UNC13C: variants seen among roughly 807,000 people sequenced by gnomAD.
UNC13C encodes protein unc-13 homolog C.
A neutral mutation model predicts 245.4 loss-of-function variants in UNC13C; 174 were observed. The ratio of observed to expected loss-of-function variants is 0.71; its 90% CI spans 0.63 to 0.80. The LOEUF is 0.80. Among genes scored for constraint, UNC13C ranks in the 30% least tolerant of loss-of-function variants. The probability of loss-of-function intolerance (pLI) is 0.00; values close to 1 mark genes in which losing one functional copy is unlikely to be tolerated. For missense variants in UNC13C, 2,829 were observed against 2,602.9 expected, an observed-to-expected ratio of 1.09 and a Z score of -1.89; for synonymous variants, 992 against 895.1, an observed-to-expected ratio of 1.11 and a Z score of -1.93.
intron 4 of UNC13C, among the ~76,000 whole-genome samples, chr15:54,181,133 G>A (rs1231313876): frequency 3.3e-5 from 5 of 151,982 alleles, no homozygotes; most frequent in Non-Finnish European, 4.4e-5. Context: ...CTAGTTTGAA[G>A]TCTTGCATTT....
intron 23 of UNC13C, 120 bp from the exon 24 acceptor site, chr15:54,511,633 A>G: frequency 3.0e-6 from 2 of 666,416 alleles, no homozygotes; most frequent in Non-Finnish European, 5.2e-6. Context: ...CAGAATTAGT[A>G]TATACATCTA....
the UNC13C span, among the ~76,000 whole-genome samples, chr15:53,923,932 C>T: frequency 1.3e-5 from 2 of 152,220 alleles, no homozygotes; most frequent in Admixed American, 6.5e-5. Context: ...ACGGGCTGGG[C>T]GCGGTGGCTC....
chr15:54,177,164 A>G (rs536093478), intron 4 of UNC13C, among the ~76,000 whole-genome samples: 1 of 152,272 alleles, frequency 6.6e-6, no homozygotes, highest in East Asian at 1.9e-4. Context: ...TTAGGACTAT[A>G]CCATGCGCAT....
chr15:53,879,934 T>TCCACA, the UNC13C span, among the ~76,000 whole-genome samples: 1 of 150,538 alleles, frequency 6.6e-6, no homozygotes. Flanking sequence ...AAAAAATTTA[T>TCCACA]CATGCTGCGT....
intron 18 of UNC13C, among the ~76,000 whole-genome samples, chr15:54,413,180 G>T (rs921910856): frequency 6.6e-6 from 1 of 151,902 alleles, no homozygotes; most frequent in African/African-American, 2.4e-5. Context: ...GGTATTTTTT[G>T]TTGAAGATTT....
chr15:54,050,677 C>G, intron 2 of UNC13C: 1 of 520,490 alleles, frequency 1.9e-6, no homozygotes, highest in Non-Finnish European at 3.8e-6. Flanking sequence ...TACTCAAACT[C>G]TTTGGAAACC....
chr15:54,511,729 T>C (rs1319407791), intron 23 of UNC13C, 24 bp from the exon 24 acceptor site: 13 of 1,518,062 alleles, frequency 8.6e-6, no homozygotes, highest in Admixed American at 1.9e-5. Context: ...TTGCTCATAA[T>C]AGTCTTTTTT....
intron 31 of UNC13C, among the ~76,000 whole-genome samples, chr15:54,623,360 A>G (rs1596701628): frequency 6.6e-6 from 1 of 152,330 alleles, no homozygotes; most frequent in Middle Eastern, 3.4e-3. Context: ...AAAGCTATTT[A>G]TAAGATTGCA....
chr15:54,126,183 C>CA (rs2031026606), intron 2 of UNC13C, among the ~76,000 whole-genome samples: 3 of 151,938 alleles, frequency 2.0e-5, no homozygotes, highest in African/African-American at 7.3e-5. Context: ...AAAGTTACAG[C>CA]ATAATAAAGT....
intron 30 of UNC13C, among the ~76,000 whole-genome samples, chr15:54,618,019 T>C (rs1436144559): frequency 6.6e-6 from 1 of 152,160 alleles, no homozygotes; most frequent in Non-Finnish European, 1.5e-5. Context: ...ATGTGTTTTC[T>C]ATATCATGTT....
At chr15:53,957,377 C>T in the UNC13C span, among the ~76,000 whole-genome samples, 3 of 152,160 alleles carry the variant, frequency 2.0e-5, no homozygotes, top group Non-Finnish European at 2.9e-5. Context: ...AAGTGATCTG[C>T]CCACCTTGGC....
In UNC13C at chr15:54,464,533, G is replaced by T. The variant is rs934996918; in HGVS notation, c.4934-30075G>T. Among the ~76,000 whole-genome samples, 8 of 152,056 alleles carry T rather than the reference G, an allele frequency of 5.3e-5. No homozygotes were observed. In the East Asian group the frequency reaches 1.4e-3, roughly 26 times the overall value. Reference sequence around the variant, plus strand: ...ATTTAATAGACTTTTTCTTCTAAAGGATGAAAACTCATTGTATATGAGTTA... The same window carrying T: ...ATTTAATAGACTTTTTCTTCTAAAGTATGAAAACTCATTGTATATGAGTTA... On this transcript the variant is annotated intron_variant, in intron 19 of 32. Coordinates refer to ENST00000260323, the MANE Select transcript of UNC13C (RefSeq NM_001080534.3).
intron 19 of UNC13C, among the ~76,000 whole-genome samples, chr15:54,424,711 G>A (rs781172619): frequency 4.0e-5 from 6 of 151,616 alleles, no homozygotes; most frequent in Non-Finnish European, 7.4e-5. Flanking sequence ...AAAAACAATA[G>A]AATTAGGGGC....
intron 19 of UNC13C, among the ~76,000 whole-genome samples, chr15:54,487,766 C>CAA (rs5812760): frequency 0.011 from 650 of 61,728 alleles, 1 homozygote; most frequent in African/African-American, 0.019. Context: ...GATTCCATCT[C>CAA]AAAAAAAAAA....
At chr15:54,094,717 A>C (rs1899758527) in intron 2 of UNC13C, among the ~76,000 whole-genome samples, 1 of 152,158 alleles carries the variant, frequency 6.6e-6, no homozygotes, top group South Asian at 2.1e-4. Flanking sequence ...ACTCCTATAA[A>C]ATAAACAAAA....
intron 30 of UNC13C, among the ~76,000 whole-genome samples, chr15:54,609,844 C>G (rs370235390): frequency 1.3e-5 from 2 of 152,262 alleles, no homozygotes; most frequent in South Asian, 4.1e-4. Context: ...AGGAAACTTA[C>G]AATCATGGCA....
At chr15:54,068,848 C>T (rs964740351) in intron 2 of UNC13C, among the ~76,000 whole-genome samples, 2 of 152,106 alleles carry the variant, frequency 1.3e-5, no homozygotes, top group African/African-American at 4.8e-5. Context: ...GGGCAAACTA[C>T]AGGATTAGTG....
intron 4 of UNC13C, among the ~76,000 whole-genome samples, chr15:54,152,189 T>C (rs1269452840): frequency 6.6e-6 from 1 of 152,188 alleles, no homozygotes; most frequent in East Asian, 1.9e-4. Context: ...ACAATTTTTT[T>C]TCTCACTCCA....
At chr15:54,514,779 C>T (rs1894896308) in intron 24 of UNC13C, among the ~76,000 whole-genome samples, 1 of 152,114 alleles carries the variant, frequency 6.6e-6, no homozygotes, top group South Asian at 2.1e-4. Flanking sequence ...GAAAAATTCA[C>T]TCTCTGTATG....
Sources: gnomAD v4.1 joint callset for allele counts (sites outside exome capture counted in the v4.1 genomes callset) on GRCh38, gnomAD v4.1.1 for gene constraint, MANE v1.5 for transcripts, NCBI Gene and HGNC (gene_info 2026-07-23, HGNC 2026-07-21) for gene names.